JCAD: variants seen among roughly 807,000 people sequenced by gnomAD.
JCAD encodes the protein junctional cadherin 5 associated.
Under a neutral mutation model 98.0 loss-of-function variants are expected in JCAD, and 40 were observed. That is an observed-to-expected ratio of 0.41 (90% CI 0.32 to 0.53). The LOEUF (loss-of-function observed/expected upper bound fraction) is 0.53, where lower values mean the gene tolerates loss of function less well. JCAD is among the 20% of genes least tolerant of loss of function. JCAD has a pLI of 0.31. For missense variants in JCAD, 1,705 were observed against 1,738.1 expected (o/e 0.98, Z 0.34); for synonymous variants, 691 against 682.3 (o/e 1.01, Z -0.20).
rs749509656 is a variant in JCAD at position 30,028,665 on chromosome 10, A to T, written c.1483T>A (p.Ser495Thr). The T allele has an allele frequency of 4.4e-6, 7 of 1,605,078 alleles. No homozygotes were observed. Among genetic ancestry groups the T allele is most frequent in the Non-Finnish European group, 5.1e-6 (6 of 1,175,684 alleles). The stretch of plus-strand genomic sequence containing the variant: ...TGGCCCCACAGCCACCGGGGGCTGG[A>T]ATCGGCCAAGACCAGGCCTCTCTCA... The part of the protein sequence containing the change: ...GDERGLVLAD[S>T]SPRWLWGQPP... The change falls in exon 3 of 4, where the codon TCC becomes ACC. Residue 495 changes from serine to threonine, a missense_variant. By Grantham distance (58) the Ser-to-Thr change is moderately conservative. Coordinates refer to ENST00000375377, the MANE Select transcript of JCAD (RefSeq NM_020848.4).
rs976373929 is a variant in JCAD, at chr10:30,107,593, G to A, written n.128+7774C>T. ...GATAAGTACAATCAGTTGAGCAGCC[G>A]TCGCCACTGCTCTGCCTATGAAGTA... is the stretch of plus-strand genomic sequence containing the variant. On this transcript the variant is annotated intron_variant and non_coding_transcript_variant, in intron 1 of 2. Transcript: ENST00000465712. Among the ~76,000 whole-genome samples the A allele has an allele frequency of 5.3e-5, 8 of 152,176 alleles. No homozygotes were observed. The East Asian group carries it at 5.8e-4, about 11-fold the overall frequency.
intron 1 of JCAD, among the ~76,000 whole-genome samples, chr10:30,102,765 A>G (rs1224616057): frequency 6.6e-6 from 1 of 152,188 alleles, no homozygotes; most frequent in Non-Finnish European, 1.5e-5. Context: ...AAGACTGGAT[A>G]ATTTATAAAG....
rs183680701 is a variant in JCAD at position 30,114,029 on chromosome 10, C to T, written n.128+1338G>A. Among the ~76,000 whole-genome samples, 240 of 152,232 alleles carry T rather than the reference C, an allele frequency of 1.6e-3. 1 individual carries two copies. The highest frequency in any genetic ancestry group is 5.7e-3 in the African/African-American group (235 of 41,540). ...TCTACGACTCGTCAGCATTATGACA[C>T]TGGGCACTTAGCCCCCTCTGTAAGT... On this transcript the variant is annotated intron_variant and non_coding_transcript_variant, in intron 1 of 2. Transcript: ENST00000465712.
intron 1 of JCAD, among the ~76,000 whole-genome samples, chr10:30,055,302 T>C (rs1837548025): frequency 6.6e-6 from 1 of 152,238 alleles, no homozygotes; most frequent in Non-Finnish European, 1.5e-5. Context: ...CAGTTCAGTG[T>C]AAATATCTCT....
chr10:30,065,714 T>C (rs900533660), intron 2 of JCAD, among the ~76,000 whole-genome samples: 23 of 152,116 alleles, frequency 1.5e-4, no homozygotes, highest in Non-Finnish European at 1.9e-4. Flanking sequence ...TTGCCCAGTC[T>C]GGTCTTGAAC....
Position 30,029,859 on chromosome 10 carries a change from T to C in JCAD, c.289A>G (p.Asn97Asp), listed in dbSNP as rs752149554. The C allele has an allele frequency of 1.2e-5, 20 of 1,612,258 alleles. No homozygotes were observed. In the South Asian group the frequency reaches 1.9e-4, roughly 15 times the overall value. ...GAGGACCATGCTGAGGGGGGTTGAT[T>C]ACAAAACCTACAAAACAAAGAGTCA... ...ASRTSEAGFC[N>D]QPPSAWSSHP... The change falls in exon 3 of 4, where the codon AAT (asparagine) becomes GAT (aspartate). Residue 97 changes from asparagine to aspartate, a missense_variant. Transcript: ENST00000375377.
At chr10:30,092,289 G>A (rs573627191) in intron 1 of JCAD, among the ~76,000 whole-genome samples, 61 of 150,916 alleles carry the variant, frequency 4.0e-4, no homozygotes, top group Non-Finnish European at 7.5e-4. Flanking sequence ...GAGTCGCTGT[G>A]CACCGGGACC....
At chr10:30,108,068 T>C (rs549245447) in intron 1 of JCAD, among the ~76,000 whole-genome samples, 4 of 152,220 alleles carry the variant, frequency 2.6e-5, no homozygotes, top group South Asian at 4.1e-4. Context: ...ATCCCGGCAC[T>C]TTGGGAGGCC....
At chr10:30,072,809 G>A (rs1032373570) in intron 1 of JCAD, among the ~76,000 whole-genome samples, 4 of 152,080 alleles carry the variant, frequency 2.6e-5, no homozygotes, top group Admixed American at 6.5e-5. Context: ...CTGCCACCAC[G>A]CCTAGCTAGT....
intron 1 of JCAD, among the ~76,000 whole-genome samples, chr10:30,056,724 T>C (rs1446727104): frequency 1.3e-5 from 2 of 152,236 alleles, no homozygotes; most frequent in African/African-American, 2.4e-5. Flanking sequence ...CAAGCATATC[T>C]ATAGAAAGTT....
At chr10:30,076,479 C>A (rs1411207101) in intron 1 of JCAD, among the ~76,000 whole-genome samples, 2 of 151,916 alleles carry the variant, frequency 1.3e-5, no homozygotes, top group African/African-American at 2.4e-5. Flanking sequence ...GTCTTTTTTT[C>A]TCTTATTTTA....
In JCAD at chr10:30,027,883, G is replaced by C. The variant is rs1334149330; in HGVS notation, c.2265C>G (p.Ser755=). 4 of 1,614,122 alleles carry C rather than the reference G, an allele frequency of 2.5e-6. No homozygotes were observed. The African/African-American group carries it at 5.3e-5, about 22-fold the overall frequency. ...PSARNLKGHR[S]LSPSSNSAFS... ...ACGCACTGTTGCTGGATGGGCTGAGGGACCTGTGACCTTTCAGGTTACGGG... is the reference window on the plus strand; with the variant it reads ...ACGCACTGTTGCTGGATGGGCTGAGCGACCTGTGACCTTTCAGGTTACGGG... Residue 755 remains serine, a synonymous_variant, in exon 3 of 4, where the codon TCC becomes TCG. Transcript: ENST00000375377.
intron 1 of JCAD, among the ~76,000 whole-genome samples, chr10:30,097,782 A>G (rs1838398863): frequency 6.6e-6 from 1 of 152,106 alleles, no homozygotes; most frequent in Non-Finnish European, 1.5e-5. Context: ...ATAAATAAAT[A>G]AAGGAAAGAA....
At position 30,017,095 on chromosome 10, in the gene JCAD, G is replaced by A. The variant is rs975401656; in HGVS notation, c.*788C>T. 4 of 152,072 alleles carry A rather than the reference G, an allele frequency of 2.6e-5. No homozygotes were observed. The highest frequency in any genetic ancestry group is 9.7e-5 in the African/African-American group (4 of 41,398). 9.4% of individuals were successfully genotyped at this position (152,072 alleles called of 1,614,324 possible). A position where few individuals can be genotyped will look rare whatever the true frequency, so the allele number is the denominator to read the frequency against. ...TCGTAAAAAGAAATATAGTCACTTTGTTAAAATGGTCTATTTTAAACCAGC... is the reference window on the plus strand; with the variant it reads ...TCGTAAAAAGAAATATAGTCACTTTATTAAAATGGTCTATTTTAAACCAGC... On this transcript the variant is annotated 3_prime_UTR_variant, in exon 4 of 4. Transcript: ENST00000375377.
At chr10:30,094,556 T>C (rs1421017517) in intron 1 of JCAD, among the ~76,000 whole-genome samples, 1 of 152,172 alleles carries the variant, frequency 6.6e-6, no homozygotes, top group Non-Finnish European at 1.5e-5. Flanking sequence ...CCAGGTGCCG[T>C]GGGGCTGCTG....
chr10:30,051,237 A>G (rs1353283939), intron 1 of JCAD, among the ~76,000 whole-genome samples: 2 of 151,884 alleles, frequency 1.3e-5, no homozygotes, highest in African/African-American at 2.4e-5. Flanking sequence ...GCTCTTCTAG[A>G]TGACTCTTCT....
chr10:30,018,296 C>T (rs68182760), intron 3 of JCAD, among the ~76,000 whole-genome samples: 8,376 of 70,542 alleles, frequency 0.12, 701 homozygotes, highest in African/African-American at 0.32. Context: ...TCTTCTTCTT[C>T]TTTTTTTTTT....
intron 1 of JCAD, among the ~76,000 whole-genome samples, chr10:30,056,523 T>C (rs901667854): frequency 2.0e-5 from 3 of 152,132 alleles, no homozygotes; most frequent in Non-Finnish European, 4.4e-5. Context: ...GCTTGCTTTT[T>C]TTTTTTTCTT....
chr10:30,053,681 A>G (rs1028536321), intron 1 of JCAD, among the ~76,000 whole-genome samples: 3 of 152,084 alleles, frequency 2.0e-5, no homozygotes, highest in Admixed American at 2.0e-4. Flanking sequence ...ATAATCAGAG[A>G]TACACACTGT....
Sources: gnomAD v4.1 joint callset for allele counts (sites outside exome capture counted in the v4.1 genomes callset) on GRCh38, gnomAD v4.1.1 for gene constraint, MANE v1.5 for transcripts, NCBI Gene and HGNC (gene_info 2026-07-23, HGNC 2026-07-21) for gene names.